Variants in SPAG9 observed in about 807,000 individuals in gnomAD.
The protein encoded by SPAG9 is C-Jun-amino-terminal kinase-interacting protein 4.
Under a neutral mutation model 166.5 loss-of-function variants are expected in SPAG9, and 35 were observed. The ratio of observed to expected loss-of-function variants is 0.21; its 90% CI spans 0.16 to 0.28. The LOEUF is 0.28. SPAG9 is among the 10% of genes least tolerant of loss of function. The pLI is 1.00. For missense variants in SPAG9, 1,235 were observed against 1,603.3 expected, an observed-to-expected ratio of 0.77 and a Z score of 3.92; for synonymous variants, 534 against 565.5, an observed-to-expected ratio of 0.94 and a Z score of 0.79.
Position 51,007,043 on chromosome 17 carries a change from CTG to C in SPAG9, c.1271+224_1271+225del, listed in dbSNP as rs371785387. 8.4e-4 allele frequency among the ~76,000 whole-genome samples: 127 copies of C among 152,076 alleles called. 1 individual carries two copies. Among genetic ancestry groups the C allele is most frequent in the Middle Eastern group, 6.8e-3 (2 of 294 alleles). On this transcript the variant is annotated intron_variant, in intron 10 of 29. Coordinates refer to ENST00000262013, the MANE Select transcript of SPAG9 (RefSeq NM_001130528.3). ...TATAGAGTGAAAAGGAGATGACAAT[CTG>C]TGTTTCTACAAAAAAACAGGGCAAG...
chr17:51,076,989 G>GCTATCTAGCTAGCTAGCTAT (rs2047991208), intron 2 of SPAG9, among the ~76,000 whole-genome samples: 1 of 100,734 alleles, frequency 9.9e-6, no homozygotes, highest in Non-Finnish European at 2.1e-5. Flanking sequence ...ATCTTATCTA[G>GCTATCTAGCTAGCTAGCTAT]CTATCTAGCT....
Position 51,061,612 on chromosome 17 carries a change from C to CCAAA in SPAG9, c.425-5131_425-5130insTTTG, listed in dbSNP as rs34337438. 8.8e-3 allele frequency among the ~76,000 whole-genome samples: 280 copies of CCAAA among 31,750 alleles called. 13 individuals are homozygous for CCAAA. Among genetic ancestry groups the CCAAA allele is most frequent in the East Asian group, 0.017 (17 of 1,016 alleles). The allele number at this position is 31,750 out of a possible 152,430, so 20.8% of individuals were successfully genotyped here. On this transcript the variant is annotated intron_variant, in intron 2 of 29. Transcript: ENST00000262013. The stretch of plus-strand genomic sequence containing the variant: ...GCAACAAGAGCGAAAGCTCTGTCTC[C>CCAAA]AAAAAAAAAAAAAAAAAAAAAAAAA...
At chr17:51,055,523 A>G (rs889900499) in intron 3 of SPAG9, among the ~76,000 whole-genome samples, 3 of 152,138 alleles carry the variant, frequency 2.0e-5, no homozygotes, top group African/African-American at 7.2e-5. Flanking sequence ...AGGTTTTTAT[A>G]CTCTTCTAAA....
At chr17:50,982,295 C>T (rs981590988) in intron 25 of SPAG9, among the ~76,000 whole-genome samples, 2 of 152,302 alleles carry the variant, frequency 1.3e-5, no homozygotes, top group Admixed American at 6.5e-5. Flanking sequence ...TAAACATTCA[C>T]GTATGAATCC....
intron 5 of SPAG9, among the ~76,000 whole-genome samples, chr17:51,036,178 C>G (rs1004163189): frequency 3.3e-5 from 5 of 152,136 alleles, no homozygotes; most frequent in Non-Finnish European, 7.4e-5. Flanking sequence ...CTCTCCCATT[C>G]TATACTTTTC....
chr17:51,109,651 CAT>C (rs764352217), intron 1 of SPAG9, among the ~76,000 whole-genome samples: 2 of 152,148 alleles, frequency 1.3e-5, no homozygotes, highest in Non-Finnish European at 2.9e-5. Flanking sequence ...ATAACTGACA[CAT>C]ACTGTGCTCT....
chr17:50,994,508 T>C (rs1222203881), intron 18 of SPAG9, among the ~76,000 whole-genome samples: 1 of 152,182 alleles, frequency 6.6e-6, no homozygotes, highest in African/African-American at 2.4e-5. Flanking sequence ...CCCAGCACTT[T>C]GGGAGGCTGA....
chr17:51,020,363 T>C, intron 7 of SPAG9, 105 bp from the exon 8 acceptor site: 1 of 703,180 alleles, frequency 1.4e-6, no homozygotes, highest in African/African-American at 1.8e-5. Flanking sequence ...TGAACATTTT[T>C]TTAAAATGTG....
At chr17:51,031,872 A>G (rs2144298718) in intron 5 of SPAG9, 150 bp from the exon 6 acceptor site, 1 of 718,380 alleles carries the variant, frequency 1.4e-6, no homozygotes, top group Non-Finnish European at 2.5e-6. Context: ...GCTTTGTTTT[A>G]TTTTGACTTA....
At chr17:50,973,850 G>T (rs577490730) in intron 28 of SPAG9, among the ~76,000 whole-genome samples, 1 of 152,312 alleles carries the variant, frequency 6.6e-6, no homozygotes, top group Admixed American at 6.5e-5. Flanking sequence ...TCTTCCCGGG[G>T]TCTCCAGCCT....
chr17:51,077,109 T>TCTAGCTAG (rs1412585538), intron 2 of SPAG9, among the ~76,000 whole-genome samples: 2 of 129,450 alleles, frequency 1.5e-5, no homozygotes, highest in African/African-American at 3.0e-5. Flanking sequence ...TAGCTAGCTA[T>TCTAGCTAG]CTAGCTATCT....
chr17:50,966,434 T>A (rs774903112), intron 29 of SPAG9, 47 bp from the exon 30 acceptor site: 1 of 1,153,874 alleles, frequency 8.7e-7, no homozygotes, highest in African/African-American at 1.5e-5. Flanking sequence ...ACATAAAATA[T>A]AGAATGATGT....
intron 9 of SPAG9, among the ~76,000 whole-genome samples, chr17:51,009,682 G>A (rs1311549722): frequency 6.6e-6 from 1 of 152,124 alleles, no homozygotes; most frequent in Non-Finnish European, 1.5e-5. Context: ...ATCATTAAAA[G>A]ATTAACTGGC....
intron 6 of SPAG9, among the ~76,000 whole-genome samples, chr17:51,026,459 G>C (rs926700771): frequency 1.3e-5 from 2 of 151,680 alleles, no homozygotes; most frequent in Admixed American, 1.3e-4. Flanking sequence ...AGAAAATTAT[G>C]TTTTAAATTT....
At chr17:51,088,365 A>C (rs1001535220) in intron 1 of SPAG9, among the ~76,000 whole-genome samples, 5 of 152,216 alleles carry the variant, frequency 3.3e-5, no homozygotes, top group African/African-American at 1.2e-4. Context: ...TATAAAACTA[A>C]AACTCTTTGC....
chr17:50,988,132 C>T (rs913309080), intron 21 of SPAG9, among the ~76,000 whole-genome samples: 12 of 152,258 alleles, frequency 7.9e-5, no homozygotes, highest in African/African-American at 2.2e-4. Context: ...AGGAGAATCG[C>T]TTGAACCTGG....
chr17:50,995,650 C>G, intron 16 of SPAG9, 117 bp from the exon 17 acceptor site: 1 of 697,602 alleles, frequency 1.4e-6, no homozygotes, highest in South Asian at 1.7e-5. Context: ...TCCTTGAAAT[C>G]AAGTTCAGGT....
rs530502861 is a variant in SPAG9 at position 51,081,387 on chromosome 17, G to A, written c.304-1683C>T. 2.0e-5 allele frequency among the ~76,000 whole-genome samples: 3 copies of A among 152,118 alleles called. No homozygotes were observed. The East Asian group carries it at 5.8e-4, about 29-fold the overall frequency. On this transcript the variant is annotated intron_variant, in intron 1 of 29. Transcript: ENST00000262013. ...AATCGCTTGAACCCAGGAGACGGAG[G>A]TTACAGTAAGCTGAGATCACGCCAC...
chr17:51,037,249 G>A (rs1219671542), intron 5 of SPAG9, among the ~76,000 whole-genome samples: 7 of 152,084 alleles, frequency 4.6e-5, no homozygotes, highest in East Asian at 1.9e-4. Context: ...GACTAGAGGC[G>A]CACACCACCA....
Sources: gnomAD v4.1 joint callset for allele counts (sites outside exome capture counted in the v4.1 genomes callset) on GRCh38, gnomAD v4.1.1 for gene constraint, MANE v1.5 for transcripts, NCBI Gene and HGNC (gene_info 2026-07-23, HGNC 2026-07-21) for gene names.